NPAS3: variants seen among roughly 807,000 people sequenced by gnomAD.
NPAS3 encodes the protein neuronal PAS domain protein 3.
A neutral mutation model predicts 73.1 loss-of-function variants in NPAS3; 14 were observed. That is an observed-to-expected ratio of 0.19 (90% CI 0.13 to 0.30). NPAS3 has a LOEUF of 0.30. Ranked by LOEUF, NPAS3 falls within the 10% of genes least tolerant of loss-of-function variation. NPAS3 has a pLI of 1.00. For missense variants in NPAS3, 1,096 were observed against 1,250.0 expected (o/e 0.88, Z 1.86); for synonymous variants, 620 against 541.5 (o/e 1.14, Z -2.01).
intron 2 of NPAS3, among the ~76,000 whole-genome samples, chr14:33,120,623 A>G (rs2043202107): frequency 6.6e-6 from 1 of 152,138 alleles, no homozygotes; most frequent in Non-Finnish European, 1.5e-5. Flanking sequence ...AGTTTGGTCC[A>G]TGGGCTAATA....
At chr14:33,446,170 T>TTTTC (rs1257945402) in intron 4 of NPAS3, among the ~76,000 whole-genome samples, 39 of 103,292 alleles carry the variant, frequency 3.8e-4, no homozygotes, top group African/African-American at 5.9e-4. Flanking sequence ...TGCTTTCTTT[T>TTTTC]TTTTTTTTTT....
At chr14:33,570,130 G>A (rs2056143545) in intron 5 of NPAS3, among the ~76,000 whole-genome samples, 1 of 152,222 alleles carries the variant, frequency 6.6e-6, no homozygotes, top group Non-Finnish European at 1.5e-5. Context: ...AGGAAAGAGA[G>A]AGAGGCACAA....
intron 5 of NPAS3, among the ~76,000 whole-genome samples, chr14:33,576,279 C>G (rs1159341582): frequency 1.3e-5 from 2 of 152,114 alleles, no homozygotes; most frequent in East Asian, 3.9e-4. Context: ...AATTTTTCAT[C>G]CCTTTCAGTT....
chr14:33,784,737 A>ATTTATTTT (rs1264502810), intron 9 of NPAS3, among the ~76,000 whole-genome samples: 1 of 80,160 alleles, frequency 1.2e-5, no homozygotes, highest in Admixed American at 1.2e-4. Context: ...TTATTTATTT[A>ATTTATTTT]TTTATTTATT....
At chr14:33,757,557 G>C (rs2062153329) in intron 7 of NPAS3, among the ~76,000 whole-genome samples, 1 of 152,190 alleles carries the variant, frequency 6.6e-6, no homozygotes, top group Admixed American at 6.5e-5. Context: ...AAAAATGAGA[G>C]AGACCGGTTA....
chr14:32,958,689 T>G (rs2036780283), intron 1 of NPAS3, among the ~76,000 whole-genome samples: 2 of 152,192 alleles, frequency 1.3e-5, no homozygotes, highest in Admixed American at 6.5e-5. Context: ...TCCATGGCCA[T>G]TCATACTTCC....
At position 33,197,573 on chromosome 14, in the gene NPAS3, G is replaced by A. The variant is rs77570452; in HGVS notation, c.141-17609G>A. ...ATGCTCCTGTAATGGAAGCAAAAAT[G>A]AAAAGCCACATTTAAAAAATAAAGG... On this transcript the variant is annotated intron_variant, in intron 2 of 11. Transcript: ENST00000356141. Among the ~76,000 whole-genome samples, 5 of 151,698 alleles carry A rather than the reference G, an allele frequency of 3.3e-5. No individual in the cohort carries two copies. The East Asian group carries it at 9.6e-4, about 29-fold the overall frequency.
chr14:33,726,079 A>G (rs143509284), intron 6 of NPAS3, among the ~76,000 whole-genome samples: 104 of 152,156 alleles, frequency 6.8e-4, no homozygotes, highest in African/African-American at 2.3e-3. Flanking sequence ...TTTAATTAGC[A>G]TTTCCAACTC....
intron 7 of NPAS3, among the ~76,000 whole-genome samples, chr14:33,768,664 A>C (rs373122477): frequency 6.6e-6 from 1 of 152,304 alleles, no homozygotes; most frequent in African/African-American, 2.4e-5. Context: ...TGATTCTTTG[A>C]CACCATTTTA....
At chr14:32,942,836 A>G (rs1376303046) in intron 1 of NPAS3, among the ~76,000 whole-genome samples, 1 of 152,222 alleles carries the variant, frequency 6.6e-6, no homozygotes, top group African/African-American at 2.4e-5. Context: ...AAAATATGAA[A>G]TAGGATGGCC....
intron 5 of NPAS3, among the ~76,000 whole-genome samples, chr14:33,651,752 G>A (rs990583246): frequency 2.6e-5 from 4 of 152,086 alleles, no homozygotes; most frequent in Admixed American, 2.0e-4. Flanking sequence ...CCTGATAGAC[G>A]TAAATGCTCA....
At chr14:33,408,008 G>A (rs978332259) in intron 4 of NPAS3, among the ~76,000 whole-genome samples, 15 of 152,042 alleles carry the variant, frequency 9.9e-5, no homozygotes, top group African/African-American at 2.4e-4. Context: ...ATGAATTTTC[G>A]AACATTGATT....
At chr14:33,584,203 A>G (rs1018502143) in intron 5 of NPAS3, among the ~76,000 whole-genome samples, 2 of 152,330 alleles carry the variant, frequency 1.3e-5, no homozygotes, top group Non-Finnish European at 2.9e-5. Flanking sequence ...CAAAGTACAT[A>G]TATTACTATA....
At chr14:33,169,444 T>C (rs747824458) in intron 2 of NPAS3, among the ~76,000 whole-genome samples, 12 of 152,140 alleles carry the variant, frequency 7.9e-5, no homozygotes, top group Non-Finnish European at 1.3e-4. Context: ...GGTGGGCACC[T>C]GTAGTCCCAG....
intron 5 of NPAS3, among the ~76,000 whole-genome samples, chr14:33,642,449 C>A (rs2058699976): frequency 6.6e-6 from 1 of 152,136 alleles, no homozygotes; most frequent in Non-Finnish European, 1.5e-5. Context: ...GGAGAGAGAA[C>A]AATGGCCCAG....
At chr14:33,609,219 A>G (rs1350769561) in intron 5 of NPAS3, among the ~76,000 whole-genome samples, 2 of 152,202 alleles carry the variant, frequency 1.3e-5, no homozygotes, top group African/African-American at 4.8e-5. Flanking sequence ...AAAAATGCTA[A>G]TGGTATTGAC....
At chr14:33,718,360 TCTC>T (rs1465178378) in intron 6 of NPAS3, among the ~76,000 whole-genome samples, 1 of 152,168 alleles carries the variant, frequency 6.6e-6, no homozygotes, top group Non-Finnish European at 1.5e-5. Flanking sequence ...CTTGCCTAAT[TCTC>T]CTTTTTTGCA....
chr14:33,653,109 G>A (rs760349147), intron 5 of NPAS3, among the ~76,000 whole-genome samples: 3 of 152,176 alleles, frequency 2.0e-5, no homozygotes, highest in Non-Finnish European at 4.4e-5. Context: ...TTACTTGTGT[G>A]TACATGTCTC....
chr14:33,159,079 T>C (rs1163398017), intron 2 of NPAS3, among the ~76,000 whole-genome samples: 1 of 152,014 alleles, frequency 6.6e-6, no homozygotes, highest in Non-Finnish European at 1.5e-5. Context: ...GGGGAATTGC[T>C]TGGATCTGGG....
Sources: allele counts gnomAD v4.1 joint callset (sites outside exome capture counted in the v4.1 genomes callset), GRCh38; gene constraint gnomAD v4.1.1; transcripts MANE v1.5; gene names NCBI Gene and HGNC (gene_info 2026-07-23, HGNC 2026-07-21).